Variants in CRB2 observed in about 807,000 individuals in gnomAD.
CRB2 encodes crumbs cell polarity complex component 2.
In CRB2, 85 loss-of-function variants were observed where a neutral mutation model predicts 110.9. The ratio of observed to expected loss-of-function variants is 0.77; its 90% CI spans 0.64 to 0.92. The LOEUF (loss-of-function observed/expected upper bound fraction) is 0.92, where lower values mean the gene tolerates loss of function less well. CRB2 is among the 40% of genes least tolerant of loss of function. The pLI is 0.00. For synonymous variants in CRB2, 907 were observed against 831.0 expected (o/e 1.09, Z -1.57); for missense variants, 1,843 against 1,851.3 (o/e 1.00, Z 0.08).
intron 2 of CRB2, 120 bp downstream of exon 2, chr9:123,363,308 C>A: frequency 9.1e-7 from 1 of 1,093,902 alleles, no homozygotes; most frequent in Non-Finnish European, 1.3e-6. Context: ...GGCATCCGGG[C>A]AGCTCTAGGG....
chr9:123,362,681 A>G (rs1163412807), intron 1 of CRB2, among the ~76,000 whole-genome samples, 184 bp from the exon 2 acceptor site: 1 of 151,744 alleles, frequency 6.6e-6, no homozygotes, highest in Non-Finnish European at 1.5e-5. Context: ...AACCGTTCCC[A>G]GTTCTGGGTG....
intron 2 of CRB2, among the ~76,000 whole-genome samples, chr9:123,364,920 C>T (rs2041912209): frequency 6.6e-6 from 1 of 152,172 alleles, no homozygotes; most frequent in African/African-American, 2.4e-5. Flanking sequence ...CCTACTCAAG[C>T]ATCTCCTGCC....
At chr9:123,356,758 T>C (rs10985985) in intron 1 of CRB2, among the ~76,000 whole-genome samples, 123,339 of 151,776 alleles carry the variant, frequency 0.81, 50,828 homozygotes, top group African/African-American at 0.94. Flanking sequence ...ACCCCAGAGC[T>C]TGTTCTGTGT....
chr9:123,367,097 G>A lies in CRB2; in HGVS notation c.755-75G>A, dbSNP rs555833231. 2,707 of 1,452,124 alleles carry A rather than the reference G, an allele frequency of 1.9e-3. 6 individuals are homozygous for A. Among genetic ancestry groups the A allele is most frequent in the Non-Finnish European group, 2.3e-3 (2,557 of 1,096,310 alleles). 90.0% of individuals were successfully genotyped at this position (1,452,124 alleles called of 1,614,324 possible). A position where few individuals can be genotyped will look rare whatever the true frequency, so the allele number is the denominator to read the frequency against. ...GAGCTGCGGTCCCTTGCTGGCCCTCGCTAGCCTGGTCATAGTGAAGAGGTG... is the reference window on the plus strand; with the variant it reads ...GAGCTGCGGTCCCTTGCTGGCCCTCACTAGCCTGGTCATAGTGAAGAGGTG... On this transcript the variant is annotated intron_variant, in intron 4 of 12. Transcript: ENST00000373631.
At chr9:123,357,761 C>T (rs1448863514) in intron 1 of CRB2, among the ~76,000 whole-genome samples, 1 of 152,216 alleles carries the variant, frequency 6.6e-6, no homozygotes, top group African/African-American at 2.4e-5. Context: ...GTGGCATGCC[C>T]AAGGGCACAC....
rs2041883515 is a variant in CRB2 at position 123,362,849 on chromosome 9, T to A, written c.95-16T>A. 1.9e-6 allele frequency: 3 copies of A among 1,556,622 alleles called. No homozygotes were observed. Among genetic ancestry groups the A allele is most frequent in the Non-Finnish European group, 2.6e-6 (3 of 1,145,094 alleles). ...ACCTCTGCCCACCCTGCCCAGCCAG[T>A]TTCTTCTTTCTACAGGGACGGTGCC... On this transcript the variant is annotated splice_polypyrimidine_tract_variant and intron_variant, in intron 1 of 12. Coordinates refer to ENST00000373631, the MANE Select transcript of CRB2 (RefSeq NM_173689.7).
intron 6 of CRB2, chr9:123,368,905 G>A: frequency 7.9e-7 from 1 of 1,266,536 alleles, no homozygotes; most frequent in African/African-American, 1.5e-5. Context: ...ATGGAGCCGG[G>A]GGCTCTGTGG....
rs191927047 is a variant in CRB2, at chr9:123,370,115, A to C, written c.1062A>C (p.Thr354=). 6.3e-7 allele frequency: 1 copy of C among 1,584,056 alleles called. No individual in the cohort carries two copies. The highest frequency in any genetic ancestry group is 1.3e-5 in the African/African-American group (1 of 74,586). The change falls in exon 7 of 13, where the codon ACA becomes ACC. Residue 354 remains threonine (T), a synonymous_variant. Coordinates refer to ENST00000373631, the MANE Select transcript of CRB2 (RefSeq NM_173689.7). ...CHCPDGYAGP[T]CEEDVDECLS... ...GCTTTGTCTCTCCCAAAGGGCCGACATGTGAGGAAGATGTGGATGAATGCC... is the reference window on the plus strand; with the variant it reads ...GCTTTGTCTCTCCCAAAGGGCCGACCTGTGAGGAAGATGTGGATGAATGCC...
At chr9:123,376,806 G>T in intron 12 of CRB2, 32 bp from the exon 13 acceptor site, 1 of 1,575,310 alleles carries the variant, frequency 6.3e-7, no homozygotes. Context: ...CCTTCTCTGC[G>T]GTCTTAGGCC....
intron 12 of CRB2, among the ~76,000 whole-genome samples, chr9:123,376,129 G>A (rs1195518586): frequency 6.6e-6 from 1 of 152,186 alleles, no homozygotes; most frequent in Non-Finnish European, 1.5e-5. Flanking sequence ...CCCTCAAAAT[G>A]TCCAACGGTG....
In CRB2 at chr9:123,370,862, T is replaced by C; in HGVS notation, c.1809T>C (p.Cys603=). ...TCGGTGAGAACGTCCTCCTGGGCTG[T>C]GAGCGCCGAGAGCAGTGCCGGCCTC... ...EDLGENVLLG[C]ERREQCRPLP... The change falls in exon 7 of 13, where the codon TGT becomes TGC. Residue 603 remains cysteine, a synonymous_variant. Transcript: ENST00000373631. 6.2e-7 allele frequency: 1 copy of C among 1,610,016 alleles called. No individual in the cohort carries two copies. Among genetic ancestry groups the C allele is most frequent in the Non-Finnish European group, 8.5e-7 (1 of 1,179,972 alleles).
intron 6 of CRB2, among the ~76,000 whole-genome samples, chr9:123,369,642 T>G (rs2041985038): frequency 6.6e-6 from 1 of 152,112 alleles, no homozygotes. Context: ...GGATTGAGGC[T>G]TGAGAGCCTG....
intron 5 of CRB2, 89 bp downstream of exon 5, chr9:123,367,446 A>AC (rs2041953107): frequency 2.3e-4 from 31 of 136,860 alleles, no homozygotes; most frequent in African/African-American, 9.3e-4. Context: ...CCACCCCCCC[A>AC]CCCCACACCC....
At position 123,377,195 on chromosome 9, in the gene CRB2, T is replaced by C. The variant is rs555666468; in HGVS notation, c.*133T>C. 1,091 of 827,312 alleles carry C rather than the reference T, an allele frequency of 1.3e-3. 13 individuals carry two copies. The highest frequency in any genetic ancestry group is 8.3e-3 in the South Asian group (442 of 53,566). 51.2% of individuals were successfully genotyped at this position (827,312 alleles called of 1,614,324 possible). On this transcript the variant is annotated 3_prime_UTR_variant, in exon 13 of 13. Transcript: ENST00000373631. ...TTGGCTGGCAGCCTCTGCCTCTGCC[T>C]CTGCCCCATCCTGGATGGAGGACGA...
chr9:123,378,879 A>T (rs1329353238), downstream of CRB2: 24 of 123,344 alleles, frequency 1.9e-4, no homozygotes, highest in African/African-American at 7.6e-4. Flanking sequence ...CAGTGGCGAG[A>T]TCTCGGCTCA....
Position 123,372,356 on chromosome 9 carries a change from C to A in CRB2, c.2602+14C>A. On this transcript the variant is annotated intron_variant, in intron 9 of 12. Transcript: ENST00000373631. ...ATGGCTTTGTGTGTGAGTGTGTGTC[C>A]TGGGCAGCTCCCGTGCTGGGTGCTG... 1 of 1,575,168 alleles carries A rather than the reference C, an allele frequency of 6.3e-7. No individual in the cohort carries two copies. The highest frequency in any genetic ancestry group is 8.6e-7 in the Non-Finnish European group (1 of 1,159,822).
intron 10 of CRB2, 99 bp downstream of exon 10, chr9:123,374,019 C>CT: frequency 2.1e-6 from 3 of 1,423,770 alleles, no homozygotes; most frequent in Non-Finnish European, 2.9e-6. Flanking sequence ...CTTCCCTTCC[C>CT]TGGTCCTCAT....
chr9:123,374,161 C>T (rs910207249), intron 10 of CRB2: 2 of 666,686 alleles, frequency 3.0e-6, no homozygotes, highest in South Asian at 1.8e-5. Flanking sequence ...AGCCGCCTGC[C>T]GCTTACACGG....
chr9:123,374,404 C>T (rs532370130), intron 10 of CRB2, among the ~76,000 whole-genome samples, 175 bp from the exon 11 acceptor site: 62 of 133,872 alleles, frequency 4.6e-4, no homozygotes, highest in African/African-American at 1.8e-3. Flanking sequence ...CTCTGGAAAG[C>T]GAGTGCAACC....
Sources: allele counts gnomAD v4.1 joint callset (sites outside exome capture counted in the v4.1 genomes callset), GRCh38; gene constraint gnomAD v4.1.1; transcripts MANE v1.5; gene names NCBI Gene and HGNC (gene_info 2026-07-23, HGNC 2026-07-21).